Variants in FBXL20 observed in about 807,000 individuals in gnomAD.
FBXL20 encodes F-box and leucine rich repeat protein 20.
FBXL20 carries 11 observed loss-of-function variants against 64.0 expected under a neutral mutation model. The observed-to-expected ratio is 0.17, with a 90% CI of 0.11 to 0.28. The LOEUF (loss-of-function observed/expected upper bound fraction) is 0.28, where lower values mean the gene tolerates loss of function less well. Ranked by LOEUF, FBXL20 falls within the 10% of genes least tolerant of loss-of-function variation. The pLI, the probability that FBXL20 is intolerant of heterozygous loss-of-function variation, is 1.00. For missense variants in FBXL20, 303 were observed against 526.2 expected (o/e 0.58, Z 4.15); for synonymous variants, 184 against 189.0 (o/e 0.97, Z 0.22).
At chr17:39,355,230 C>A (rs1247773151) in intron 1 of FBXL20, among the ~76,000 whole-genome samples, 1 of 151,934 alleles carries the variant, frequency 6.6e-6, no homozygotes. Flanking sequence ...CCACGCCCGG[C>A]CTAAAATTTC....
intron 1 of FBXL20, among the ~76,000 whole-genome samples, chr17:39,388,944 A>G (rs2048109705): frequency 1.3e-5 from 2 of 150,462 alleles, no homozygotes; most frequent in African/African-American, 4.9e-5. Flanking sequence ...CTCTACTAAA[A>G]ATACAGAAAA....
rs111538488 is a variant in FBXL20, at chr17:39,386,072, C to A, written c.42+15289G>T. On this transcript the variant is annotated intron_variant, in intron 1 of 14. Transcript: ENST00000264658. ...ACCAACTAATCAGTCCTGCTGGGCG[C>A]GGTGGCTCACACCTGTAATCTCAGC... Among the ~76,000 whole-genome samples the A allele has an allele frequency of 4.4e-3, 614 of 139,148 alleles. 5 individuals carry two copies. The highest frequency in any genetic ancestry group is 0.016 in the African/African-American group (582 of 36,762). 91.3% of individuals were successfully genotyped at this position (139,148 alleles called of 152,430 possible). A position where few individuals can be genotyped will look rare whatever the true frequency, so the allele number is the denominator to read the frequency against.
Position 39,334,706 on chromosome 17 carries a change from C to T in FBXL20, c.104+8474G>A, listed in dbSNP as rs569157081. 3.3e-5 allele frequency among the ~76,000 whole-genome samples: 5 copies of T among 152,118 alleles called. No homozygotes were observed. In the South Asian group the frequency reaches 8.3e-4, roughly 25 times the overall value. ...GTAATAACAGTCCTTATTCTGAAAC[C>T]GCATGTTATAACTAAAAGGGCACAG... On this transcript the variant is annotated intron_variant, in intron 2 of 14. Transcript: ENST00000264658.
chr17:39,265,071 T>C (rs529429605), intron 13 of FBXL20, among the ~76,000 whole-genome samples: 24 of 152,300 alleles, frequency 1.6e-4, no homozygotes, highest in South Asian at 1.4e-3. Context: ...GTGAAGCAAA[T>C]TGTATTTTGG....
chr17:39,296,961 T>C (rs1324389968), intron 6 of FBXL20, among the ~76,000 whole-genome samples, 166 bp downstream of exon 6: 3 of 152,170 alleles, frequency 2.0e-5, no homozygotes, highest in African/African-American at 7.2e-5. Flanking sequence ...CCAAAACAAG[T>C]TTCTTATTCT....
chr17:39,360,838 C>T (rs557735115), intron 1 of FBXL20, among the ~76,000 whole-genome samples: 1 of 152,304 alleles, frequency 6.6e-6, no homozygotes, highest in African/African-American at 2.4e-5. Flanking sequence ...GGCCAATTCA[C>T]ATCCCCAAAA....
At chr17:39,332,447 C>G (rs1476701109) in intron 2 of FBXL20, among the ~76,000 whole-genome samples, 1 of 151,792 alleles carries the variant, frequency 6.6e-6, no homozygotes, top group Non-Finnish European at 1.5e-5. Context: ...CTGTGTGGTT[C>G]CACTGGGAAA....
chr17:39,330,293 T>C (rs1376938750), intron 2 of FBXL20, among the ~76,000 whole-genome samples: 4 of 146,750 alleles, frequency 2.7e-5, no homozygotes, highest in Non-Finnish European at 6.0e-5. Context: ...CAAGACTCTG[T>C]CTCAAAAAAT....
intron 1 of FBXL20, among the ~76,000 whole-genome samples, chr17:39,384,424 C>T (rs1436377558): frequency 6.6e-6 from 1 of 151,556 alleles, no homozygotes; most frequent in Non-Finnish European, 1.5e-5. Flanking sequence ...ACTCAAGAGG[C>T]TGAGGCAGGA....
intron 1 of FBXL20, among the ~76,000 whole-genome samples, chr17:39,371,366 T>A (rs770376266): frequency 2.0e-5 from 3 of 152,160 alleles, no homozygotes; most frequent in Non-Finnish European, 4.4e-5. Flanking sequence ...AATTCAGCTA[T>A]CTTTTCTCTG....
At chr17:39,364,004 C>G (rs2047832435) in intron 1 of FBXL20, among the ~76,000 whole-genome samples, 1 of 150,130 alleles carries the variant, frequency 6.7e-6, no homozygotes, top group Non-Finnish European at 1.5e-5. Flanking sequence ...ATTTTCGTGC[C>G]TCAGCCTCCC....
chr17:39,258,294 C>A lies in FBXL20; in HGVS notation c.*3166G>T, dbSNP rs916979002. On this transcript the variant is annotated 3_prime_UTR_variant, in exon 15 of 15. Coordinates refer to ENST00000264658, the MANE Select transcript of FBXL20 (RefSeq NM_032875.3). Reference sequence around the variant, plus strand: ...AGATGTCAGGCTCCTTTCCACCTGACCAAAACTTACCATGCTTTGTGTTCT... The same window carrying A: ...AGATGTCAGGCTCCTTTCCACCTGAACAAAACTTACCATGCTTTGTGTTCT... 5 of 152,206 alleles carry A rather than the reference C, an allele frequency of 3.3e-5. No homozygotes were observed. The highest frequency in any genetic ancestry group is 9.6e-5 in the African/African-American group (4 of 41,452). 9.4% of individuals were successfully genotyped at this position (152,206 alleles called of 1,614,324 possible). A position where few individuals can be genotyped will look rare whatever the true frequency, so the allele number is the denominator to read the frequency against.
Position 39,265,388 on chromosome 17 carries a change from T to C in FBXL20, c.990+9A>G. 1 of 1,604,840 alleles carries C rather than the reference T, an allele frequency of 6.2e-7. No homozygotes were observed. Among genetic ancestry groups the C allele is most frequent in the Admixed American group, 1.7e-5 (1 of 59,608 alleles). ...AGTAAACACATAAAGTTTTCAAAGT[T>C]AAACTCACCAATACTTGAAGTCGAG... On this transcript the variant is annotated intron_variant, in intron 13 of 14. Coordinates refer to ENST00000264658, the MANE Select transcript of FBXL20 (RefSeq NM_032875.3).
chr17:39,365,070 T>A (rs1158204259), intron 1 of FBXL20, among the ~76,000 whole-genome samples: 1 of 152,166 alleles, frequency 6.6e-6, no homozygotes, highest in African/African-American at 2.4e-5. Context: ...ATTTCTAACA[T>A]ACAAAGGTAG....
intron 2 of FBXL20, among the ~76,000 whole-genome samples, chr17:39,309,791 C>CA (rs111999882): frequency 0.038 from 2,139 of 55,742 alleles, 63 homozygotes; most frequent in African/African-American, 0.11. Flanking sequence ...GACTCCATCT[C>CA]AAAAAAAAAA....
chr17:39,317,673 C>CTTT (rs1567877307), intron 2 of FBXL20, among the ~76,000 whole-genome samples: 1 of 108,454 alleles, frequency 9.2e-6, no homozygotes, highest in African/African-American at 4.0e-5. Flanking sequence ...GAGAGTTTGA[C>CTTT]TTTGTTTTTT....
intron 6 of FBXL20, among the ~76,000 whole-genome samples, chr17:39,290,922 T>G (rs1443573917): frequency 6.6e-6 from 1 of 152,096 alleles, no homozygotes; most frequent in African/African-American, 2.4e-5. Context: ...TCATTTTATT[T>G]TGAACAATCA....
chr17:39,350,227 A>G (rs2047674505), intron 1 of FBXL20, among the ~76,000 whole-genome samples: 1 of 152,230 alleles, frequency 6.6e-6, no homozygotes, highest in Non-Finnish European at 1.5e-5. Context: ...CACCAGGCAC[A>G]GTAGCTCATG....
intron 9 of FBXL20, among the ~76,000 whole-genome samples, chr17:39,279,507 A>T (rs2046929510): frequency 6.6e-6 from 1 of 152,096 alleles, no homozygotes; most frequent in East Asian, 1.9e-4. Context: ...CTCAAAAAAA[A>T]AAAAAAAGGA....
Sources: gnomAD v4.1 joint callset for allele counts (sites outside exome capture counted in the v4.1 genomes callset) on GRCh38, gnomAD v4.1.1 for gene constraint, MANE v1.5 for transcripts, NCBI Gene and HGNC (gene_info 2026-07-23, HGNC 2026-07-21) for gene names.